The following RPS6KB1 variants were observed in gnomAD, a reference collection of about 807,000 sequenced individuals.
RPS6KB1 encodes ribosomal protein S6 kinase beta-1.
RPS6KB1 carries 12 observed loss-of-function variants against 70.2 expected under a neutral mutation model. The ratio of observed to expected loss-of-function variants is 0.17; its 90% CI spans 0.11 to 0.28. The LOEUF (loss-of-function observed/expected upper bound fraction) is 0.28, where lower values mean the gene tolerates loss of function less well. RPS6KB1 is among the 10% of genes least tolerant of loss of function. The probability of loss-of-function intolerance (pLI) is 1.00; values close to 1 mark genes in which losing one functional copy is unlikely to be tolerated. For synonymous variants in RPS6KB1, 175 were observed against 211.2 expected (o/e 0.83, Z 1.49); for missense variants, 270 against 646.6 (o/e 0.42, Z 6.32).
chr17:59,894,410 C>G (rs943960939), intron 1 of RPS6KB1, among the ~76,000 whole-genome samples: 1 of 152,110 alleles, frequency 6.6e-6, no homozygotes, highest in African/African-American at 2.4e-5. Context: ...ATTCCAATGT[C>G]TAGTTGAATA....
chr17:59,908,318 G>A (rs969388833), intron 1 of RPS6KB1, among the ~76,000 whole-genome samples: 6 of 150,900 alleles, frequency 4.0e-5, no homozygotes, highest in Admixed American at 6.6e-5. Context: ...TCAGCCTCCC[G>A]AGTTGTTGGG....
At chr17:59,943,550 A>G (rs1417842400) in intron 13 of RPS6KB1, among the ~76,000 whole-genome samples, 2 of 152,126 alleles carry the variant, frequency 1.3e-5, no homozygotes, top group Non-Finnish European at 2.9e-5. Flanking sequence ...TGTAGCCAGA[A>G]TTCTCTACAT....
intron 1 of RPS6KB1, chr17:59,907,532 T>A (rs1292276260): frequency 1.3e-5 from 2 of 148,150 alleles, no homozygotes; most frequent in Non-Finnish European, 3.0e-5. Flanking sequence ...AGTCTTACAC[T>A]TTGGTTAATT....
At chr17:59,897,007 TTTA>T (rs1272527765) in intron 1 of RPS6KB1, among the ~76,000 whole-genome samples, 3 of 152,206 alleles carry the variant, frequency 2.0e-5, no homozygotes, top group African/African-American at 4.8e-5. Flanking sequence ...TAGACTTTAA[TTTA>T]TTACACAAAG....
chr17:59,910,210 C>T (rs1307167651), intron 1 of RPS6KB1, among the ~76,000 whole-genome samples: 1 of 147,740 alleles, frequency 6.8e-6, no homozygotes, highest in African/African-American at 2.5e-5. Flanking sequence ...AAAAAAAAAA[C>T]CCGGGTGCCT....
At chr17:59,930,241 G>A (rs1041760420) in intron 6 of RPS6KB1, 67 bp downstream of exon 6, 4 of 882,258 alleles carry the variant, frequency 4.5e-6, no homozygotes, top group Non-Finnish European at 7.8e-6. Context: ...CCCACTATGG[G>A]CAGCCACATG....
intron 7 of RPS6KB1, among the ~76,000 whole-genome samples, chr17:59,933,324 T>C (rs1293037355): frequency 1.5e-5 from 2 of 133,338 alleles, no homozygotes; most frequent in Non-Finnish European, 3.2e-5. Context: ...ATCTGAATTA[T>C]AAGTCACAGG....
At chr17:59,915,531 TCTCAG>T (rs2042893643) in intron 4 of RPS6KB1, among the ~76,000 whole-genome samples, 1 of 151,940 alleles carries the variant, frequency 6.6e-6, no homozygotes, top group South Asian at 2.1e-4. Flanking sequence ...AGTTGTACAA[TCTCAG>T]CTCACTGCAA....
chr17:59,942,695 T>G (rs2044682567), intron 13 of RPS6KB1, among the ~76,000 whole-genome samples: 1 of 152,168 alleles, frequency 6.6e-6, no homozygotes, highest in African/African-American at 2.4e-5. Context: ...GTGTTGTATC[T>G]TATGGGATGG....
At chr17:59,912,373 T>G in intron 2 of RPS6KB1, 1 of 239,628 alleles carries the variant, frequency 4.2e-6, no homozygotes, top group South Asian at 5.7e-5. Context: ...CTAAGTGATC[T>G]TACTTGAATG....
At chr17:59,936,658 C>G in intron 12 of RPS6KB1, 117 bp downstream of exon 12, 2 of 805,066 alleles carry the variant, frequency 2.5e-6, no homozygotes, top group Admixed American at 4.1e-5. Flanking sequence ...CCAGCATGGG[C>G]AACATAACAA....
Position 59,909,083 on chromosome 17 carries a change from C to T in RPS6KB1, c.142-1479C>T, listed in dbSNP as rs559278623. ...CTGGCATTGCAGGCATGGGCCACCA[C>T]GGCCGACTAATTTTGTATTTTTTTA... On this transcript the variant is annotated intron_variant, in intron 1 of 14. Coordinates refer to ENST00000225577, the MANE Select transcript of RPS6KB1 (RefSeq NM_003161.4). Among the ~76,000 whole-genome samples, 33 of 150,862 alleles carry T rather than the reference C, an allele frequency of 2.2e-4. No homozygotes were observed. The South Asian group carries it at 5.6e-3, about 26-fold the overall frequency.
intron 4 of RPS6KB1, among the ~76,000 whole-genome samples, 179 bp from the exon 5 acceptor site, chr17:59,926,256 C>T (rs527895459): frequency 2.0e-5 from 3 of 152,308 alleles, no homozygotes; most frequent in Non-Finnish European, 4.4e-5. Context: ...AAAATCCAAA[C>T]TGCACAGAGG....
At chr17:59,916,298 G>A (rs1035122566) in intron 4 of RPS6KB1, among the ~76,000 whole-genome samples, 2 of 151,578 alleles carry the variant, frequency 1.3e-5, no homozygotes, top group Non-Finnish European at 2.9e-5. Flanking sequence ...ATGCGGTTTC[G>A]CCATATTGGC....
chr17:59,922,597 T>G (rs1461966380), intron 4 of RPS6KB1, among the ~76,000 whole-genome samples: 4 of 130,924 alleles, frequency 3.1e-5, no homozygotes, highest in Non-Finnish European at 6.1e-5. Flanking sequence ...CAGGCTGGAG[T>G]GCAGTGGTGT....
At chr17:59,904,296 G>C (rs761704396) in intron 1 of RPS6KB1, among the ~76,000 whole-genome samples, 9 of 148,310 alleles carry the variant, frequency 6.1e-5, no homozygotes, top group Non-Finnish European at 8.9e-5. Context: ...GGTCAGGCTG[G>C]TCTCGAACTC....
At position 59,934,372 on chromosome 17, in the gene RPS6KB1, A is replaced by G; in HGVS notation, c.780-62A>G. The G allele has an allele frequency of 1.3e-6, 2 of 1,522,034 alleles. No homozygotes were observed. Among genetic ancestry groups the G allele is most frequent in the Non-Finnish European group, 9.1e-7 (1 of 1,097,428 alleles). The allele number at this position is 1,522,034 out of a possible 1,614,324, so 94.3% of individuals were successfully genotyped here. ...ATTGACTCTGTATATTGTTTTTAAA[A>G]TTCTAATTCAGATGATATGCAAATG... On this transcript the variant is annotated intron_variant, in intron 8 of 14. Transcript: ENST00000225577. The surrounding 1 kb of genome is among the most constrained non-coding windows in gnomAD (Gnocchi z 4.8).
At chr17:59,922,477 T>C (rs528281120) in intron 4 of RPS6KB1, among the ~76,000 whole-genome samples, 2 of 151,884 alleles carry the variant, frequency 1.3e-5, no homozygotes, top group Admixed American at 1.3e-4. Flanking sequence ...GTAGTGATTA[T>C]AAAATGGAGA....
At chr17:59,902,177 T>G (rs1343916037) in intron 1 of RPS6KB1, among the ~76,000 whole-genome samples, 1 of 143,884 alleles carries the variant, frequency 7.0e-6, no homozygotes, top group Admixed American at 7.3e-5. Flanking sequence ...TGATCTCTGC[T>G]CACTGCAACC....
Sources: allele counts gnomAD v4.1 joint callset (sites outside exome capture counted in the v4.1 genomes callset), GRCh38; gene constraint gnomAD v4.1.1; non-coding constraint Gnocchi (gnomAD v3.1); transcripts MANE v1.5; gene names NCBI Gene and HGNC (gene_info 2026-07-23, HGNC 2026-07-21).